Variants in FAF2 observed in about 807,000 individuals in gnomAD.
FAF2 encodes the protein FAS-associated factor 2.
Under a neutral mutation model 62.3 loss-of-function variants are expected in FAF2, and 9 were observed. That is an observed-to-expected ratio of 0.14 (90% CI 0.09 to 0.25). The LOEUF is 0.25. Among genes scored for constraint, FAF2 ranks in the 10% least tolerant of loss-of-function variants. The pLI is 1.00. For synonymous variants in FAF2, 202 were observed against 198.0 expected (o/e 1.02, Z -0.17); for missense variants, 368 against 556.2 (o/e 0.66, Z 3.40).
intron 3 of FAF2, among the ~76,000 whole-genome samples, chr5:176,486,710 T>G (rs1462974086): frequency 6.6e-6 from 1 of 152,012 alleles, no homozygotes; most frequent in African/African-American, 2.4e-5. Flanking sequence ...ATTTGGAGAG[T>G]GTTTTCTGCC....
chr5:176,450,075 A>C (rs1458651027), intron 1 of FAF2, among the ~76,000 whole-genome samples: 1 of 152,230 alleles, frequency 6.6e-6, no homozygotes, highest in Non-Finnish European at 1.5e-5. Flanking sequence ...GTGGAATGCA[A>C]ATGCTGAGAA....
chr5:176,458,375 T>G (rs935304777), intron 1 of FAF2, among the ~76,000 whole-genome samples: 2 of 148,194 alleles, frequency 1.3e-5, no homozygotes, highest in African/African-American at 5.0e-5. Flanking sequence ...AGCCACCACG[T>G]CTGGCCTCAG....
chr5:176,451,853 TATACACATATATATATACACAC>T (rs1561813530), intron 1 of FAF2, among the ~76,000 whole-genome samples: 12 of 46,838 alleles, frequency 2.6e-4, no homozygotes, highest in African/African-American at 1.1e-3. Flanking sequence ...CACACATATA[TATACACATATATATATACACAC>T]ATATATATAT....
chr5:176,490,370 G>A (rs1286013602), intron 4 of FAF2, among the ~76,000 whole-genome samples: 1 of 152,024 alleles, frequency 6.6e-6, no homozygotes, highest in Non-Finnish European at 1.5e-5. Context: ...TAGCATGTCA[G>A]GCTTGGGTTA....
intron 2 of FAF2, among the ~76,000 whole-genome samples, chr5:176,483,017 A>G (rs1415199201): frequency 6.6e-6 from 1 of 151,926 alleles, no homozygotes; most frequent in Non-Finnish European, 1.5e-5. Flanking sequence ...GGTGTGAGCC[A>G]CTGTGCCCGG....
chr5:176,486,483 A>G lies in FAF2; in HGVS notation c.261A>G (p.Gln87=), dbSNP rs1758877874. ...ACAGCTATGTTGTCTCAAGACCTCA[A>G]CCAAGGGCAAGTTATTTCATAGCTG... is the stretch of plus-strand genomic sequence containing the variant. ...RIYSYVVSRP[Q]PRGLLGWGYY... Residue 87 remains glutamine (Q), a synonymous_variant, in exon 3 of 11, where the codon CAA becomes CAG. Transcript: ENST00000261942. 6.2e-7 allele frequency: 1 copy of G among 1,613,764 alleles called. No homozygotes were observed. Among genetic ancestry groups the G allele is most frequent in the African/African-American group, 1.3e-5 (1 of 74,908 alleles).
intron 1 of FAF2, among the ~76,000 whole-genome samples, chr5:176,451,842 AC>A: frequency 6.7e-5 from 1 of 14,854 alleles, no homozygotes; most frequent in African/African-American, 2.3e-4. Context: ...ATATATATAT[AC>A]ACACATATAT....
At position 176,507,157 on chromosome 5, in the gene FAF2, G is replaced by A. The variant is rs185841979; in HGVS notation, c.*207G>A. 13 of 356,440 alleles carry A rather than the reference G, an allele frequency of 3.6e-5. 1 individual carries two copies. The highest frequency in any genetic ancestry group is 6.2e-5 in the South Asian group (2 of 32,496). 22.1% of individuals were successfully genotyped at this position (356,440 alleles called of 1,614,324 possible). A position where few individuals can be genotyped will look rare whatever the true frequency, so the allele number is the denominator to read the frequency against. ...CGTAAGAGTCACAACCTGTGTGTGC[G>A]CGCAAGGTTAGCAACAAACGTACCC... On this transcript the variant is annotated 3_prime_UTR_variant, in exon 11 of 11. Coordinates refer to ENST00000261942, the MANE Select transcript of FAF2 (RefSeq NM_014613.3).
At chr5:176,484,180 T>C (rs1288966518) in intron 2 of FAF2, among the ~76,000 whole-genome samples, 1 of 152,168 alleles carries the variant, frequency 6.6e-6, no homozygotes, top group Non-Finnish European at 1.5e-5. Flanking sequence ...CTTCTTGGCA[T>C]AGATGTATAA....
At chr5:176,450,430 A>G (rs556045748) in intron 1 of FAF2, among the ~76,000 whole-genome samples, 8 of 152,206 alleles carry the variant, frequency 5.3e-5, no homozygotes, top group Non-Finnish European at 7.3e-5. Flanking sequence ...TTTAAGTGCA[A>G]TGAAGTAATG....
chr5:176,496,919 A>G (rs1755504624), intron 8 of FAF2: 4 of 243,868 alleles, frequency 1.6e-5, no homozygotes, highest in Non-Finnish European at 3.1e-5. Flanking sequence ...GCACGTTAGG[A>G]GGCTGAGGCA....
At chr5:176,497,192 C>G (rs1204383319) in intron 8 of FAF2, among the ~76,000 whole-genome samples, 1 of 151,548 alleles carries the variant, frequency 6.6e-6, no homozygotes, top group Admixed American at 6.6e-5. Flanking sequence ...CCTCTGTGCT[C>G]AAGAATGTAT....
chr5:176,456,542 G>A (rs1758279812), intron 1 of FAF2, among the ~76,000 whole-genome samples: 1 of 141,798 alleles, frequency 7.1e-6, no homozygotes, highest in Non-Finnish European at 1.5e-5. Context: ...AAACAGCAAT[G>A]AAACAGGAAC....
At position 176,507,109 on chromosome 5, in the gene FAF2, G is replaced by T; in HGVS notation, c.*159G>T. On this transcript the variant is annotated 3_prime_UTR_variant, in exon 11 of 11. Transcript: ENST00000261942. ...TTTTAAAAGACTGCTGCATCCTTAG[G>T]AAGGATCAGAAACCATGCTGCCCGT... 1 of 355,080 alleles carries T rather than the reference G, an allele frequency of 2.8e-6. No individual in the cohort carries two copies. The highest frequency in any genetic ancestry group is 4.4e-6 in the Non-Finnish European group (1 of 229,520). 22.0% of individuals were successfully genotyped at this position (355,080 alleles called of 1,614,324 possible).
At chr5:176,455,878 A>G (rs1758270231) in intron 1 of FAF2, among the ~76,000 whole-genome samples, 1 of 152,048 alleles carries the variant, frequency 6.6e-6, no homozygotes, top group African/African-American at 2.4e-5. Flanking sequence ...AAATATTTAC[A>G]TAAATATTCA....
chr5:176,475,440 A>T (rs1454866053), intron 1 of FAF2, among the ~76,000 whole-genome samples: 2 of 152,152 alleles, frequency 1.3e-5, no homozygotes, highest in African/African-American at 2.4e-5. Context: ...CCTAAAAGTT[A>T]CTTTAGTGAG....
intron 2 of FAF2, among the ~76,000 whole-genome samples, chr5:176,484,201 G>A (rs544299679): frequency 3.8e-4 from 58 of 152,320 alleles, no homozygotes; most frequent in African/African-American, 1.4e-3. Flanking sequence ...CAATATGCAT[G>A]AAGTATAGTA....
chr5:176,467,853 A>G (rs1279966566), intron 1 of FAF2, among the ~76,000 whole-genome samples: 6 of 152,198 alleles, frequency 3.9e-5, no homozygotes, highest in Non-Finnish European at 5.9e-5. Context: ...ATGTGTAATA[A>G]TGAGAAGATC....
chr5:176,504,228 G>T lies in FAF2; in HGVS notation c.1156-2540G>T, dbSNP rs2913903. On this transcript the variant is annotated intron_variant, in intron 10 of 10. Transcript: ENST00000261942. Reference sequence around the variant, plus strand: ...TGGTGGTTCACGCCTCTAATCCCAGGACTTTGGGAGGCCGAGACGGGTGGG... The same window carrying T: ...TGGTGGTTCACGCCTCTAATCCCAGTACTTTGGGAGGCCGAGACGGGTGGG... Among the ~76,000 whole-genome samples, 3 of 152,122 alleles carry T rather than the reference G, an allele frequency of 2.0e-5. No individual in the cohort carries two copies. In the South Asian group the frequency reaches 6.2e-4, roughly 32 times the overall value.
Sources: allele counts gnomAD v4.1 joint callset (sites outside exome capture counted in the v4.1 genomes callset), GRCh38; gene constraint gnomAD v4.1.1; transcripts MANE v1.5; gene names NCBI Gene and HGNC (gene_info 2026-07-23, HGNC 2026-07-21).